The following MTFMT variants were observed in gnomAD, a reference collection of about 807,000 sequenced individuals.
MTFMT encodes mitochondrial methionyl-tRNA formyltransferase.
A neutral mutation model predicts 51.8 loss-of-function variants in MTFMT; 47 were observed. That is an observed-to-expected ratio of 0.91 (90% CI 0.72 to 1.16). MTFMT has a LOEUF of 1.16. MTFMT is among the 50% of genes most tolerant of loss of function. The pLI, the probability that MTFMT is intolerant of heterozygous loss-of-function variation, is 0.00. For synonymous variants in MTFMT, 196 were observed against 176.7 expected (o/e 1.11, Z -0.87); for missense variants, 512 against 482.3 (o/e 1.06, Z -0.58).
Position 65,023,740 on chromosome 15 carries a change from A to G in MTFMT, c.474T>C (p.Pro158=). 1 of 1,613,672 alleles carries G rather than the reference A, an allele frequency of 6.2e-7. No homozygotes were observed. Among genetic ancestry groups the G allele is most frequent in the Non-Finnish European group, 8.5e-7 (1 of 1,179,638 alleles). The change falls in exon 3 of 9, where the codon CCT becomes CCC. Residue 158 remains proline, a synonymous_variant. Transcript: ENST00000220058. The stretch of plus-strand genomic sequence containing the variant: ...CTCCGTGAAGCACTGTATGGATTAC[A>G]GGGGCTGGGCCACGCCATCTCGGGA... ...SCLPRWRGPA[P]VIHTVLHGDT... is the part of the protein sequence containing the mutation.
In MTFMT at chr15:65,029,296, T is replaced by C. The variant is rs111359657; in HGVS notation, c.209+109A>G. On this transcript the variant is annotated intron_variant, in intron 1 of 8. Transcript: ENST00000220058. ...GCCGAGATCTGGGCCCACACCGCTC[T>C]GCCGCCCATGCTTTCCGCAACCAGA... The C allele has an allele frequency of 0.01, 13,833 of 1,326,902 alleles. 88 individuals are homozygous for C. The highest frequency in any genetic ancestry group is 0.012 in the Non-Finnish European group (12,346 of 1,041,558). The allele number at this position is 1,326,902 out of a possible 1,614,324, so 82.2% of individuals were successfully genotyped here.
rs114731711 is a variant in MTFMT at position 65,023,471 on chromosome 15, T to C, written c.542+201A>G. On this transcript the variant is annotated intron_variant, in intron 3 of 8. Transcript: ENST00000220058. ...CAAATTAAAATTCACATATGGACTT[T>C]AAAGAGACCCCGCATAAATACCAAA... is the stretch of plus-strand genomic sequence containing the variant. Among the ~76,000 whole-genome samples the C allele has an allele frequency of 8.0e-3, 1,220 of 152,200 alleles. 28 individuals are homozygous for C. Among genetic ancestry groups the C allele is most frequent in the African/African-American group, 0.029 (1,185 of 41,524 alleles).
At chr15:65,025,517 T>C (rs1231188290) in intron 2 of MTFMT, among the ~76,000 whole-genome samples, 1 of 152,150 alleles carries the variant, frequency 6.6e-6, no homozygotes, top group Non-Finnish European at 1.5e-5. Context: ...TCTGTAGTAA[T>C]GTAGGCGAGA....
Position 65,023,761 on chromosome 15 carries a change from C to CG in MTFMT, c.452dup (p.Arg152GlufsTer27). ...TTACAGGGGCTGGGCCACGCCATCT[C>CG]GGGAGGCAACTGGGATGAACATTCA... On this transcript the variant is annotated frameshift_variant, in exon 3 of 9. Coordinates refer to ENST00000220058, the MANE Select transcript of MTFMT (RefSeq NM_139242.4). LOFTEE classifies it high-confidence loss of function. 1 of 1,612,842 alleles carries CG rather than the reference C, an allele frequency of 6.2e-7. No homozygotes were observed. The highest frequency in any genetic ancestry group is 8.5e-7 in the Non-Finnish European group (1 of 1,179,270).
At chr15:65,007,602 G>T (rs1443213785) in intron 6 of MTFMT, among the ~76,000 whole-genome samples, 1 of 152,170 alleles carries the variant, frequency 6.6e-6, no homozygotes, top group Admixed American at 6.5e-5. Context: ...AGTGGAATGC[G>T]TGGGTTAAAC....
In MTFMT at chr15:65,015,495, G is replaced by A. The variant is rs1020937419; in HGVS notation, c.813+941C>T. On this transcript the variant is annotated intron_variant, in intron 6 of 8. Coordinates refer to ENST00000220058, the MANE Select transcript of MTFMT (RefSeq NM_139242.4). ...TTTAGCATGCTATAGATATCCAATG[G>A]TGGTTCCCCATTTTACCCAACATTA... 6.6e-5 allele frequency among the ~76,000 whole-genome samples: 10 copies of A among 152,214 alleles called. No individual in the cohort carries two copies. In the East Asian group the frequency reaches 1.7e-3, roughly 26 times the overall value.
intron 6 of MTFMT, among the ~76,000 whole-genome samples, chr15:65,009,644 TTTTTA>T (rs996790922): frequency 6.6e-6 from 1 of 150,952 alleles, no homozygotes; most frequent in Non-Finnish European, 1.5e-5. Flanking sequence ...CAGCAGCTTC[TTTTTA>T]TTTTTTTAAT....
intron 6 of MTFMT, among the ~76,000 whole-genome samples, chr15:65,007,431 T>A (rs1004047281): frequency 1.3e-5 from 2 of 152,338 alleles, no homozygotes; most frequent in Middle Eastern, 3.4e-3. Context: ...AGTAACCCAT[T>A]TTATGAATAT....
intron 2 of MTFMT, among the ~76,000 whole-genome samples, chr15:65,025,798 C>T (rs968248940): frequency 6.6e-6 from 1 of 152,012 alleles, no homozygotes; most frequent in African/African-American, 2.4e-5. Flanking sequence ...GTTTGGGGAC[C>T]GAGCTGAGCT....
intron 5 of MTFMT, among the ~76,000 whole-genome samples, chr15:65,019,694 T>A (rs1016700378): frequency 5.3e-5 from 8 of 152,124 alleles, no homozygotes; most frequent in Admixed American, 1.3e-4. Context: ...TACAATTAAA[T>A]CCTAGTTTGA....
intron 1 of MTFMT, among the ~76,000 whole-genome samples, chr15:65,028,802 A>C (rs1338035190): frequency 1.3e-5 from 2 of 152,156 alleles, no homozygotes; most frequent in African/African-American, 4.8e-5. Context: ...CCAGTAAACA[A>C]AACTTGTTAA....
At position 65,029,415 on chromosome 15, in the gene MTFMT, G is replaced by A. The variant is rs972306920; in HGVS notation, c.199C>T (p.His67Tyr). 17 of 1,496,868 alleles carry A rather than the reference G, an allele frequency of 1.1e-5. No individual in the cohort carries two copies. Among genetic ancestry groups the A allele is most frequent in the Non-Finnish European group, 1.5e-5 (17 of 1,124,536 alleles). The allele number at this position is 1,496,868 out of a possible 1,614,324, so 92.7% of individuals were successfully genotyped here. ...QFAREALRALHAARENKEEEL... is the reference protein window; with the variant it reads ...QFAREALRALYAARENKEEEL... ...CCCTGGCCCGGGTACCTGGCGGCGT[G>A]CAGCGCCCGCAGCGCCTCGCGGGCG... is the stretch of plus-strand genomic sequence containing the variant. The change falls in exon 1 of 9, where the codon CAC becomes TAC. Residue 67 changes from histidine to tyrosine, a missense_variant. By Grantham distance (83) the His-to-Tyr change is moderately conservative (BLOSUM62 2). Transcript: ENST00000220058.
chr15:65,027,163 A>G, intron 1 of MTFMT, 123 bp from the exon 2 acceptor site: 1 of 716,634 alleles, frequency 1.4e-6, no homozygotes, highest in Non-Finnish European at 2.3e-6. Flanking sequence ...TAAATGATTA[A>G]AACTAGTGTG....
intron 6 of MTFMT, among the ~76,000 whole-genome samples, chr15:65,007,880 T>C (rs1319273814): frequency 2.0e-5 from 3 of 152,196 alleles, no homozygotes; most frequent in Non-Finnish European, 2.9e-5. Context: ...CCTCAGTTTG[T>C]TGACTTTTAA....
At chr15:65,007,389 CAT>C (rs1257740960) in intron 6 of MTFMT, among the ~76,000 whole-genome samples, 4 of 152,196 alleles carry the variant, frequency 2.6e-5, no homozygotes. Flanking sequence ...TTCATCAGTA[CAT>C]ACTTATCAAT....
At chr15:65,014,383 G>A (rs1217021376) in intron 6 of MTFMT, among the ~76,000 whole-genome samples, 1 of 139,248 alleles carries the variant, frequency 7.2e-6, no homozygotes, top group Non-Finnish European at 1.5e-5. Context: ...GGTGTGCAAT[G>A]TGCAATCTCG....
chr15:65,022,763 G>A (rs1424686526), intron 3 of MTFMT, among the ~76,000 whole-genome samples: 1 of 149,222 alleles, frequency 6.7e-6, no homozygotes, highest in Admixed American at 6.7e-5. Flanking sequence ...CTGGAATGCA[G>A]TGGTGCGATC....
At chr15:65,008,593 T>C (rs1288760921) in intron 6 of MTFMT, among the ~76,000 whole-genome samples, 1 of 152,234 alleles carries the variant, frequency 6.6e-6, no homozygotes, top group Non-Finnish European at 1.5e-5. Context: ...CTCAGTGCAG[T>C]GCTCTTTTTA....
At chr15:65,026,453 C>T (rs904031543) in intron 2 of MTFMT, 2 of 259,708 alleles carry the variant, frequency 7.7e-6, no homozygotes, top group African/African-American at 4.5e-5. Flanking sequence ...CTTTTCTTGT[C>T]TATACCTGTG....
Sources: gnomAD v4.1 joint callset for allele counts (sites outside exome capture counted in the v4.1 genomes callset) on GRCh38, gnomAD v4.1.1 for gene constraint, MANE v1.5 for transcripts, NCBI Gene and HGNC (gene_info 2026-07-23, HGNC 2026-07-21) for gene names.